The following NDUFA11 variants were observed in gnomAD, a reference collection of about 807,000 sequenced individuals.
NDUFA11 encodes the protein NADH dehydrogenase [ubiquinone] 1 alpha subcomplex subunit 11.
A neutral mutation model predicts 11.3 loss-of-function variants in NDUFA11; 14 were observed. That is an observed-to-expected ratio of 1.24 (90% CI 0.82 to 1.94). The LOEUF is 1.94. Ranked by LOEUF, NDUFA11 falls within the 30% of genes most tolerant of loss-of-function variation. The probability of loss-of-function intolerance (pLI) is 0.00; values close to 1 mark genes in which losing one functional copy is unlikely to be tolerated. For synonymous variants in NDUFA11, 87 were observed against 85.6 expected, an observed-to-expected ratio of 1.02 and a Z score of -0.09; for missense variants, 204 against 200.3, an observed-to-expected ratio of 1.02 and a Z score of -0.11.
chr19:5,898,140 C>T (rs1486765781), intron 1 of NDUFA11, among the ~76,000 whole-genome samples: 1 of 152,186 alleles, frequency 6.6e-6, no homozygotes, highest in East Asian at 1.9e-4. Context: ...AAGGGACCTC[C>T]GAGATGTAAA....
intron 1 of NDUFA11, among the ~76,000 whole-genome samples, chr19:5,903,364 G>A (rs958887977): frequency 1.4e-4 from 22 of 152,020 alleles, no homozygotes; most frequent in African/African-American, 5.1e-4. Context: ...GCTTGGGACC[G>A]CCTCAGATGA....
At chr19:5,893,668 C>A (rs2057590618), downstream of NDUFA11, among the ~76,000 whole-genome samples, 1 of 152,164 alleles carries the variant, frequency 6.6e-6, no homozygotes, top group African/African-American at 2.4e-5. This position sits in a 1 kb window ranked among gnomAD's most constrained non-coding sequence, Gnocchi z 4.1. Context: ...ACTCGGGAGG[C>A]TGAGGTGGGA....
chr19:5,897,602 A>C (rs939195035), intron 1 of NDUFA11, among the ~76,000 whole-genome samples: 6 of 152,008 alleles, frequency 3.9e-5, no homozygotes, highest in African/African-American at 1.4e-4. Context: ...CTCGTCCTGC[A>C]CACCTGGCTG....
downstream of NDUFA11, chr19:5,892,757 C>A (rs1384586899): frequency 2.0e-6 from 2 of 990,318 alleles, no homozygotes; most frequent in African/African-American, 1.6e-5. Flanking sequence ...GGCCGGTGCC[C>A]TCGAGTGGAT....
At chr19:5,894,926 G>A (rs1206456892) in intron 3 of NDUFA11, 72 bp from the exon 4 acceptor site, 12 of 1,499,396 alleles carry the variant, frequency 8.0e-6, no homozygotes, top group East Asian at 4.9e-5. Flanking sequence ...CGCCCTGGCC[G>A]GTGCCCACCC....
rs1210633388 is a variant in NDUFA11, at chr19:5,896,255, G to C, written c.313+198C>G. The stretch of plus-strand genomic sequence containing the variant: ...AGTGAGGAGGGGAGGGTGGGGAGGG[G>C]ACAGGGCAGGTCAGGGAGGGCCACA... On this transcript the variant is annotated intron_variant, in intron 3 of 3. Transcript: ENST00000308961. This position sits in a 1 kb window ranked among gnomAD's most constrained non-coding sequence, Gnocchi z 5.8. 1 of 626,444 alleles carries C rather than the reference G, an allele frequency of 1.6e-6. No individual in the cohort carries two copies. Among genetic ancestry groups the C allele is most frequent in the Non-Finnish European group, 2.8e-6 (1 of 359,644 alleles). The allele number at this position is 626,444 out of a possible 1,614,324, so 38.8% of individuals were successfully genotyped here.
intron 1 of NDUFA11, among the ~76,000 whole-genome samples, chr19:5,903,045 T>C (rs887094598): frequency 2.0e-5 from 3 of 148,958 alleles, no homozygotes; most frequent in African/African-American, 7.4e-5. Flanking sequence ...TGCCAGGGCT[T>C]GCGGGTCCCC....
chr19:5,895,274 GC>G (rs1160954678), intron 3 of NDUFA11: 3 of 184,032 alleles, frequency 1.6e-5, no homozygotes, highest in Non-Finnish European at 3.4e-5. Flanking sequence ...CCCCGACAGT[GC>G]CCCCACTTCT....
rs1034740437 is a variant in NDUFA11, at chr19:5,896,440, G to A, written c.313+13C>T. 3 of 1,560,088 alleles carry A rather than the reference G, an allele frequency of 1.9e-6. No individual in the cohort carries two copies. The highest frequency in any genetic ancestry group is 2.6e-6 in the Non-Finnish European group (3 of 1,151,630). ...GCTGGGAGGAGGGTGGGGGTGGGGAGGGGGCCACTCACTGCGTGCTCCCAG... is the reference window on the plus strand; with the variant it reads ...GCTGGGAGGAGGGTGGGGGTGGGGAAGGGGCCACTCACTGCGTGCTCCCAG... On this transcript the variant is annotated intron_variant, in intron 3 of 3. Coordinates refer to ENST00000308961, the MANE Select transcript of NDUFA11 (RefSeq NM_175614.5). The surrounding 1 kb of genome is among the most constrained non-coding windows in gnomAD (Gnocchi z 5.8).
At chr19:5,900,649 G>A (rs1465747547) in intron 1 of NDUFA11, among the ~76,000 whole-genome samples, 4 of 152,214 alleles carry the variant, frequency 2.6e-5, no homozygotes, top group African/African-American at 9.7e-5. Flanking sequence ...TGGGTGCAGT[G>A]GCTCACGCCT....
chr19:5,893,152 G>A (rs1392281579), downstream of NDUFA11: 3 of 1,536,116 alleles, frequency 2.0e-6, no homozygotes, highest in South Asian at 3.6e-5. This position sits in a 1 kb window ranked among gnomAD's most constrained non-coding sequence, Gnocchi z 4.1. Flanking sequence ...TTCGAGGCAG[G>A]CGCTGGAAGA....
At chr19:5,900,709 G>C (rs964680450) in intron 1 of NDUFA11, among the ~76,000 whole-genome samples, 3 of 152,162 alleles carry the variant, frequency 2.0e-5, no homozygotes, top group African/African-American at 7.2e-5. Context: ...CCTGAGGTCA[G>C]GAGGTTGAGA....
rs190303922 is a variant in NDUFA11, at chr19:5,896,685, G to A, written c.191-110C>T. ...GAGAGATGCCACGAGTCGGCTGCTCGCTGTGCATGGCAGCCTCCTGGCCCC... is the reference window on the plus strand; with the variant it reads ...GAGAGATGCCACGAGTCGGCTGCTCACTGTGCATGGCAGCCTCCTGGCCCC... On this transcript the variant is annotated intron_variant, in intron 2 of 3. Coordinates refer to ENST00000308961, the MANE Select transcript of NDUFA11 (RefSeq NM_175614.5). The surrounding 1 kb of genome is among the most constrained non-coding windows in gnomAD (Gnocchi z 5.8). 551 of 1,467,940 alleles carry A rather than the reference G, an allele frequency of 3.8e-4. No homozygotes were observed. Among genetic ancestry groups the A allele is most frequent in the Non-Finnish European group, 4.7e-4 (503 of 1,075,598 alleles). The allele number at this position is 1,467,940 out of a possible 1,614,324, so 90.9% of individuals were successfully genotyped here.
chr19:5,897,383 C>T (rs2057617115), intron 1 of NDUFA11, among the ~76,000 whole-genome samples: 1 of 152,182 alleles, frequency 6.6e-6, no homozygotes, highest in Non-Finnish European at 1.5e-5. Context: ...CGGCTGCTTC[C>T]AGCCTCACAC....
chr19:5,897,417 C>T (rs927817995), intron 1 of NDUFA11, among the ~76,000 whole-genome samples: 5 of 152,186 alleles, frequency 3.3e-5, no homozygotes, highest in East Asian at 1.9e-4. Flanking sequence ...GCGCCCCCCA[C>T]GGGCCCTGGC....
At position 5,898,893 on chromosome 19, in the gene NDUFA11, A is replaced by G. The variant is rs190153088; in HGVS notation, c.98-1896T>C. Among the ~76,000 whole-genome samples, 763 of 151,188 alleles carry G rather than the reference A, an allele frequency of 5.0e-3. 8 individuals carry two copies. Among genetic ancestry groups the G allele is most frequent in the African/African-American group, 0.016 (648 of 41,204 alleles). On this transcript the variant is annotated intron_variant, in intron 1 of 3. Coordinates refer to ENST00000308961, the MANE Select transcript of NDUFA11 (RefSeq NM_175614.5). ...CGTCTCAAAATAAAAAAAAAAAAAA[A>G]AAAGAAAGAAAGGTGGATGGAGCGG...
rs1468137181 is a variant in NDUFA11 at position 5,896,900 on chromosome 19, C to CT, written c.190+4dup. On this transcript the variant is annotated splice_donor_region_variant and intron_variant, in intron 2 of 3. Transcript: ENST00000308961. This position sits in a 1 kb window ranked among gnomAD's most constrained non-coding sequence, Gnocchi z 5.8. ...GCCCAGCCATGCCCAGCCCAGCGTGCTCACCTGCAGTGAACGTGTATTGTC... is the reference window on the plus strand; with the variant it reads ...GCCCAGCCATGCCCAGCCCAGCGTGCTTCACCTGCAGTGAACGTGTATTGTC... The CT allele has an allele frequency of 6.2e-7, 1 of 1,611,916 alleles. No homozygotes were observed. Among genetic ancestry groups the CT allele is most frequent in the African/African-American group, 1.3e-5 (1 of 74,904 alleles).
At chr19:5,899,006 G>C (rs1418606222) in intron 1 of NDUFA11, among the ~76,000 whole-genome samples, 1 of 150,328 alleles carries the variant, frequency 6.7e-6, no homozygotes, top group African/African-American at 2.4e-5. Context: ...CGTCCCCCCA[G>C]GACTCCCCAC....
Position 5,894,798 on chromosome 19 carries a change from G to C in NDUFA11, c.370C>G (p.Leu124Val), listed in dbSNP as rs769017195. Residue 124 changes from leucine (L) to valine (V), a missense_variant, in exon 4 of 4, where the codon CTG becomes GTG. By Grantham distance (32) the Leu-to-Val change is conservative. Coordinates refer to ENST00000308961, the MANE Select transcript of NDUFA11 (RefSeq NM_175614.5). ...ACVYFGIAAS[L>V]VKMGRLEGWE... ...CCCTCCAGCCGGCCCATCTTGACCA[G>C]GGAGGCCGCTATGCCAAAGTACACG... 1.2e-6 allele frequency: 2 copies of C among 1,613,686 alleles called. No individual in the cohort carries two copies. Among genetic ancestry groups the C allele is most frequent in the Admixed American group, 1.7e-5 (1 of 59,994 alleles).
Sources: allele counts gnomAD v4.1 joint callset (sites outside exome capture counted in the v4.1 genomes callset), GRCh38; gene constraint gnomAD v4.1.1; non-coding constraint Gnocchi (gnomAD v3.1); transcripts MANE v1.5; gene names NCBI Gene and HGNC (gene_info 2026-07-23, HGNC 2026-07-21).